Variants in KLHL4 observed in about 807,000 individuals in gnomAD.
The protein encoded by KLHL4 is kelch like family member 4, also known as kelch-like protein 4.
In KLHL4, 17 loss-of-function variants were observed where a neutral mutation model predicts 45.8. That is an observed-to-expected ratio of 0.37 (90% CI 0.25 to 0.56). The LOEUF is 0.56. Among genes scored for constraint, KLHL4 ranks in the 20% least tolerant of loss-of-function variants. The pLI, the probability that KLHL4 is intolerant of heterozygous loss-of-function variation, is 0.79. For synonymous variants in KLHL4, 224 were observed against 189.9 expected (o/e 1.18, Z -1.47); for missense variants, 544 against 544.9 (o/e 1.00, Z 0.02).
chrX:87,586,415 A>C (rs1921473276), intron 1 of KLHL4, among the ~76,000 whole-genome samples: 1 of 111,715 alleles, frequency 9.0e-6, no homozygotes, highest in African/African-American at 3.2e-5. Context: ...AACCTGAAAT[A>C]ATATCAAGGA....
intron 1 of KLHL4, among the ~76,000 whole-genome samples, chrX:87,596,343 G>A (rs954700905): frequency 8.9e-6 from 1 of 112,009 alleles, no homozygotes; most frequent in African/African-American, 3.2e-5. Flanking sequence ...AAGTATGCTG[G>A]TTATTCGTAA....
chrX:87,561,527 G>A (rs207478545), intron 1 of KLHL4, among the ~76,000 whole-genome samples: 2 of 111,631 alleles, frequency 1.8e-5, no homozygotes, highest in South Asian at 3.8e-4. Flanking sequence ...CCCCAGCATT[G>A]CAGGCTAAAG....
chrX:87,569,346 G>A (rs976435403), intron 1 of KLHL4, among the ~76,000 whole-genome samples: 1 of 111,222 alleles, frequency 9.0e-6, no homozygotes, highest in African/African-American at 3.3e-5. Flanking sequence ...GTAGAGAAAT[G>A]GGAACCCTCA....
intron 1 of KLHL4, among the ~76,000 whole-genome samples, chrX:87,603,931 C>A (rs1322427386): frequency 9.1e-6 from 1 of 109,947 alleles, no homozygotes; most frequent in African/African-American, 3.3e-5. Context: ...TTCCACTCCC[C>A]GCTTCTATGA....
In KLHL4 at chrX:87,518,034, G is replaced by T; in HGVS notation, c.141G>T (p.Pro47=). 8.3e-7 allele frequency: 1 copy of T among 1,211,456 alleles called. No homozygotes were observed. The highest frequency in any genetic ancestry group is 1.1e-6 in the Non-Finnish European group (1 of 895,483). The change falls in exon 1 of 11, where the codon CCG becomes CCT. Residue 47 remains proline (P), a synonymous_variant. Transcript: ENST00000373119. ...QQEGYEHRGT[P]VQGRLKSHSR... The stretch of plus-strand genomic sequence containing the variant: ...AAGGATATGAGCATAGAGGGACCCC[G>T]GTTCAGGGCAGGTTGAAGAGCCACT...
rs185106629 is a variant in KLHL4, at chrX:87,636,023, T to A, written c.1925+248T>A. Among the ~76,000 whole-genome samples the A allele has an allele frequency of 8.5e-4, 95 of 111,463 alleles. 1 individual carries two copies. Among genetic ancestry groups the A allele is most frequent in the African/African-American group, 2.9e-3 (88 of 30,783 alleles). ...TTAGCTAATTTTAATTTTAATTTTT[T>A]ATTTTTATTTTTAATGGACAGTGTT... is the stretch of plus-strand genomic sequence containing the variant. On this transcript the variant is annotated intron_variant, in intron 9 of 10. Transcript: ENST00000373119.
chrX:87,660,821 G>A (rs1253082452), intron 9 of KLHL4, among the ~76,000 whole-genome samples: 1 of 112,529 alleles, frequency 8.9e-6, no homozygotes, highest in East Asian at 2.8e-4. Flanking sequence ...TCCAACCTGG[G>A]CAACAGAATG....
chrX:87,563,664 C>T (rs6617436), intron 1 of KLHL4, among the ~76,000 whole-genome samples: 25,174 of 104,633 alleles, frequency 0.24, 2,858 homozygotes, highest in East Asian at 0.5. Flanking sequence ...TTATTGGCCT[C>T]AAAAAGGAGG....
At chrX:87,558,557 C>G (rs943574346) in intron 1 of KLHL4, among the ~76,000 whole-genome samples, 4 of 111,603 alleles carry the variant, frequency 3.6e-5, no homozygotes, top group African/African-American at 1.3e-4. Flanking sequence ...CCACTGTACT[C>G]CAGTCTGGGC....
chrX:87,523,798 A>T (rs985882119), intron 1 of KLHL4, among the ~76,000 whole-genome samples: 2 of 109,963 alleles, frequency 1.8e-5, no homozygotes, highest in African/African-American at 6.6e-5. Flanking sequence ...CCCCGTCTGT[A>T]CTAAAAATAC....
At chrX:87,647,533 T>A (rs975000116) in intron 9 of KLHL4, among the ~76,000 whole-genome samples, 3 of 111,933 alleles carry the variant, frequency 2.7e-5, no homozygotes, top group African/African-American at 9.7e-5. Context: ...AAATGGGATA[T>A]ATGGAATACT....
intron 1 of KLHL4, among the ~76,000 whole-genome samples, chrX:87,547,884 A>T (rs978383877): frequency 3.6e-5 from 4 of 111,757 alleles, no homozygotes; most frequent in African/African-American, 1.3e-4. Flanking sequence ...TAAATTTAAA[A>T]GGGCAGATCT....
intron 1 of KLHL4, among the ~76,000 whole-genome samples, chrX:87,611,989 T>C (rs1231807020): frequency 8.9e-6 from 1 of 112,069 alleles, no homozygotes; most frequent in African/African-American, 3.2e-5. Context: ...AGAATAAGGA[T>C]ATAAGAAAAT....
At chrX:87,557,939 T>C (rs1932015115) in intron 1 of KLHL4, among the ~76,000 whole-genome samples, 1 of 110,856 alleles carries the variant, frequency 9.0e-6, no homozygotes, top group African/African-American at 3.3e-5. Context: ...TTAAGAATTG[T>C]CTCAAGGACT....
At chrX:87,540,843 T>C (rs1199888287) in intron 1 of KLHL4, among the ~76,000 whole-genome samples, 1 of 112,170 alleles carries the variant, frequency 8.9e-6, no homozygotes, top group Non-Finnish European at 1.9e-5. Flanking sequence ...TTGTATGTGC[T>C]ATACAACTGG....
intron 9 of KLHL4, among the ~76,000 whole-genome samples, chrX:87,641,662 C>A (rs1476523925): frequency 1.8e-5 from 2 of 111,132 alleles, no homozygotes; most frequent in East Asian, 5.7e-4. Context: ...AAGCCCGTCT[C>A]GTCCTCTACC....
intron 1 of KLHL4, among the ~76,000 whole-genome samples, chrX:87,611,638 A>G (rs753134557): frequency 1.0e-5 from 1 of 97,119 alleles, no homozygotes; most frequent in African/African-American, 4.0e-5. Context: ...ATAATAAATG[A>G]CTATGTTACT....
intron 1 of KLHL4, among the ~76,000 whole-genome samples, chrX:87,600,427 G>A (rs765362984): frequency 1.9e-5 from 2 of 106,533 alleles, no homozygotes; most frequent in African/African-American, 3.4e-5. Flanking sequence ...AGCTTGCAGT[G>A]AGCTGAGATG....
chrX:87,589,169 G>T (rs1271548651), intron 1 of KLHL4, among the ~76,000 whole-genome samples: 1 of 111,819 alleles, frequency 8.9e-6, no homozygotes, highest in Non-Finnish European at 1.9e-5. Context: ...ATGCTGGTGG[G>T]GATGTGGAGA....
Sources: allele counts gnomAD v4.1 joint callset (sites outside exome capture counted in the v4.1 genomes callset), GRCh38; gene constraint gnomAD v4.1.1; transcripts MANE v1.5; gene names NCBI Gene and HGNC (gene_info 2026-07-23, HGNC 2026-07-21).